Variants in CDH18 observed in about 807,000 individuals in gnomAD.
The protein encoded by CDH18 is cadherin-18.
In CDH18, 31 loss-of-function variants were observed where a neutral mutation model predicts 67.9. That is an observed-to-expected ratio of 0.46 (90% CI 0.34 to 0.62). CDH18 has a LOEUF of 0.62. Among genes scored for constraint, CDH18 ranks in the 20% least tolerant of loss-of-function variants. The probability of loss-of-function intolerance (pLI) is 0.01; values close to 1 mark genes in which losing one functional copy is unlikely to be tolerated. For synonymous variants in CDH18, 362 were observed against 347.2 expected, an observed-to-expected ratio of 1.04 and a Z score of -0.48; for missense variants, 890 against 975.5, an observed-to-expected ratio of 0.91 and a Z score of 1.17.
chr5:19,553,934 C>T (rs2450434), intron 8 of CDH18, among the ~76,000 whole-genome samples: 110,410 of 151,902 alleles, frequency 0.73, 40,316 homozygotes, highest in Non-Finnish European at 0.77. Flanking sequence ...ACGCCTGACC[C>T]TGGACTCACC....
chr5:19,669,048 A>C (rs1393620868), intron 5 of CDH18, among the ~76,000 whole-genome samples: 1 of 149,886 alleles, frequency 6.7e-6, no homozygotes, highest in Non-Finnish European at 1.5e-5. Context: ...TCATACCATA[A>C]AGTAACTAAA....
chr5:20,391,537 AT>A (rs1349258414), intron 1 of CDH18, among the ~76,000 whole-genome samples: 1 of 152,088 alleles, frequency 6.6e-6, no homozygotes, highest in East Asian at 1.9e-4. Context: ...CATGCTTAAT[AT>A]CTTATTCCTA....
chr5:20,230,580 G>A (rs1028511692), intron 2 of CDH18, among the ~76,000 whole-genome samples: 14 of 151,728 alleles, frequency 9.2e-5, no homozygotes, highest in East Asian at 5.8e-4. Context: ...AGCTATTACC[G>A]GTTTTTAAAA....
At chr5:19,756,748 TCCTC>T (rs1771658828) in intron 3 of CDH18, among the ~76,000 whole-genome samples, 2 of 152,158 alleles carry the variant, frequency 1.3e-5, no homozygotes, top group African/African-American at 4.8e-5. Context: ...GTGTCAGTAT[TCCTC>T]CCTCTGGAAC....
In CDH18 at chr5:19,473,015, T is replaced by G; in HGVS notation, c.*211A>C. On this transcript the variant is annotated 3_prime_UTR_variant, in exon 13 of 13. Coordinates refer to ENST00000382275, the MANE Select transcript of CDH18 (RefSeq NM_004934.5). The stretch of plus-strand genomic sequence containing the variant: ...AAAATATACACAAGGAACAATAACT[T>G]TTTCTTTGTATTGTCTTTTTTTTTT... 1.9e-6 allele frequency: 1 copy of G among 517,364 alleles called. No homozygotes were observed. The highest frequency in any genetic ancestry group is 3.3e-6 in the Non-Finnish European group (1 of 299,602). The allele number at this position is 517,364 out of a possible 1,614,324, so 32.0% of individuals were successfully genotyped here.
chr5:20,176,088 A>G (rs1298379392), intron 2 of CDH18, among the ~76,000 whole-genome samples: 2 of 152,162 alleles, frequency 1.3e-5, no homozygotes, highest in African/African-American at 4.8e-5. Flanking sequence ...CTAGTCAGCC[A>G]TCTGCATAAT....
At chr5:20,376,079 T>C (rs1487710323) in intron 1 of CDH18, among the ~76,000 whole-genome samples, 20 of 148,722 alleles carry the variant, frequency 1.3e-4, no homozygotes. Context: ...GTAAGCAATT[T>C]AAAAAGAAAC....
intron 5 of CDH18, among the ~76,000 whole-genome samples, chr5:19,689,348 G>A (rs770430755): frequency 6.6e-6 from 1 of 151,854 alleles, no homozygotes; most frequent in Non-Finnish European, 1.5e-5. Flanking sequence ...AATCTTACAG[G>A]CCAGGAGAGT....
In CDH18 at chr5:19,543,809, A is replaced by G. The variant is rs1735823961; in HGVS notation, c.1390+60T>C. 6.1e-6 allele frequency: 8 copies of G among 1,310,840 alleles called. No homozygotes were observed. In the South Asian group the frequency reaches 1.3e-4, roughly 22 times the overall value. 81.2% of individuals were successfully genotyped at this position (1,310,840 alleles called of 1,614,324 possible). A position where few individuals can be genotyped will look rare whatever the true frequency, so the allele number is the denominator to read the frequency against. ...TTATGAGAGCCCTGCTCTTAAGGAA[A>G]TTTCAGTATGTCTTCTTGTACAAGT... On this transcript the variant is annotated intron_variant, in intron 9 of 12. Transcript: ENST00000382275.
In CDH18 at chr5:20,451,501, A is replaced by C. The variant is rs543660978; in HGVS notation, c.-580+123961T>G. On this transcript the variant is annotated intron_variant, in intron 1 of 14. Transcript: ENST00000507958. ...TTGGGAATCATGGGCTTTCAAATTTAAGAGAATAAATGGAGAAAAATATTT... is the reference window on the plus strand; with the variant it reads ...TTGGGAATCATGGGCTTTCAAATTTCAGAGAATAAATGGAGAAAAATATTT... 5.3e-5 allele frequency among the ~76,000 whole-genome samples: 8 copies of C among 152,308 alleles called. No homozygotes were observed. In the South Asian group the frequency reaches 1.4e-3, roughly 28 times the overall value.
intron 4 of CDH18, among the ~76,000 whole-genome samples, chr5:19,743,497 C>G (rs1006842882): frequency 6.6e-6 from 1 of 151,484 alleles, no homozygotes; most frequent in African/African-American, 2.4e-5. Flanking sequence ...AAAACTACCA[C>G]AGACAATCTT....
chr5:19,678,968 T>C (rs1759878471), intron 5 of CDH18, among the ~76,000 whole-genome samples: 1 of 151,974 alleles, frequency 6.6e-6, no homozygotes, highest in African/African-American at 2.4e-5. Flanking sequence ...ATAATTCTGA[T>C]ATCAAAACCA....
intron 6 of CDH18, among the ~76,000 whole-genome samples, chr5:19,611,969 T>TGTGTGA (rs760956663): frequency 1.3e-5 from 2 of 151,678 alleles, no homozygotes; most frequent in Non-Finnish European, 2.9e-5. Flanking sequence ...TGTGTGTGTG[T>TGTGTGA]GTGTGTGTGT....
chr5:19,652,267 A>C (rs1031092258), intron 5 of CDH18, among the ~76,000 whole-genome samples: 2 of 152,048 alleles, frequency 1.3e-5, no homozygotes, highest in African/African-American at 4.8e-5. Flanking sequence ...TACTATTGCT[A>C]TGACAGACCT....
intron 2 of CDH18, among the ~76,000 whole-genome samples, chr5:20,000,817 G>C (rs1444599511): frequency 1.3e-5 from 2 of 151,964 alleles, no homozygotes; most frequent in South Asian, 4.2e-4. Context: ...AAAAATAGAG[G>C]AGAGAAAAGA....
At chr5:20,337,298 C>A (rs984346061) in intron 1 of CDH18, among the ~76,000 whole-genome samples, 1 of 152,156 alleles carries the variant, frequency 6.6e-6, no homozygotes, top group Non-Finnish European at 1.5e-5. Flanking sequence ...ATTTTCTTTT[C>A]TATTCACATT....
intron 6 of CDH18, among the ~76,000 whole-genome samples, chr5:19,592,466 T>A (rs898383212): frequency 6.6e-6 from 1 of 152,084 alleles, no homozygotes; most frequent in African/African-American, 2.4e-5. Context: ...GAATCTTGAA[T>A]TAAAATGTAA....
At chr5:19,746,859 T>A (rs534321140) in intron 4 of CDH18, 83 bp downstream of exon 4, 57 of 1,042,116 alleles carry the variant, frequency 5.5e-5, no homozygotes, top group Middle Eastern at 3.1e-4. Flanking sequence ...TATATATATA[T>A]AAGTAAAAAT....
intron 2 of CDH18, among the ~76,000 whole-genome samples, chr5:20,037,586 C>A (rs561208290): frequency 6.6e-6 from 1 of 152,182 alleles, no homozygotes; most frequent in African/African-American, 2.4e-5. Context: ...AACTGAACAG[C>A]CTGCTCCTGA....
Sources: allele counts gnomAD v4.1 joint callset (sites outside exome capture counted in the v4.1 genomes callset), GRCh38; gene constraint gnomAD v4.1.1; transcripts MANE v1.5; gene names NCBI Gene and HGNC (gene_info 2026-07-23, HGNC 2026-07-21).